SVIL: variants seen among roughly 807,000 people sequenced by gnomAD.
SVIL encodes the protein supervillin, also known as archvillin.
SVIL carries 101 observed loss-of-function variants against 240.4 expected under a neutral mutation model. That is an observed-to-expected ratio of 0.42 (90% CI 0.36 to 0.50). The LOEUF is 0.50. Among genes scored for constraint, SVIL ranks in the 20% least tolerant of loss-of-function variants. The pLI, the probability that SVIL is intolerant of heterozygous loss-of-function variation, is 0.01. For missense variants in SVIL, 2,512 were observed against 2,818.7 expected (o/e 0.89, Z 2.46); for synonymous variants, 999 against 1,100.0 (o/e 0.91, Z 1.82).
chr10:29,668,398 G>A (rs939029588), intron 2 of SVIL, among the ~76,000 whole-genome samples: 4 of 152,186 alleles, frequency 2.6e-5, no homozygotes, highest in African/African-American at 9.6e-5. Context: ...CTCAGCTACT[G>A]CAATCCAAAT....
chr10:29,705,231 T>G (rs1352862584), intron 1 of SVIL, among the ~76,000 whole-genome samples: 2 of 152,170 alleles, frequency 1.3e-5, no homozygotes, highest in African/African-American at 4.8e-5. Context: ...AATATTAACT[T>G]TATTCACGGA....
At chr10:29,675,580 C>T (rs571406549) in intron 2 of SVIL, among the ~76,000 whole-genome samples, 6 of 152,312 alleles carry the variant, frequency 3.9e-5, no homozygotes, top group African/African-American at 1.4e-4. Context: ...TCACAAAGCA[C>T]ACCTCTGCTC....
upstream of SVIL, among the ~76,000 whole-genome samples, chr10:29,638,023 T>C (rs184605902): frequency 3.0e-3 from 456 of 152,294 alleles, 1 homozygote; most frequent in African/African-American, 0.01. Flanking sequence ...TTCTATTGGA[T>C]TGACCACATC....
At position 29,554,783 on chromosome 10, in the gene SVIL, C is replaced by T. The variant is rs769354146; in HGVS notation, c.160G>A (p.Gly54Ser). 50 of 1,588,678 alleles carry T rather than the reference C, an allele frequency of 3.1e-5. No homozygotes were observed. The highest frequency in any genetic ancestry group is 3.8e-5 in the Non-Finnish European group (44 of 1,169,224). The change falls in exon 5 of 38, where the codon GGC (glycine) becomes AGC (serine). Residue 54 changes from glycine to serine, a missense_variant and splice_region_variant. This residue lies in a region of SVIL where 1,443 missense variants were observed against 1,486.6 expected (regional missense o/e 0.97). Coordinates refer to ENST00000355867, the MANE Select transcript of SVIL (RefSeq NM_021738.3). ...ATGGGCCACCCAGCTCCACGCTCAC[C>T]GATGTGGGGGCTGGCAGGGTCGCTG... ...RASDPASPHIGRSNEEEETSD... is the reference protein window; with the variant it reads ...RASDPASPHISRSNEEEETSD...
At chr10:29,463,431 C>T (rs1022190826) in intron 35 of SVIL, 61 bp downstream of exon 35, 11 of 1,557,910 alleles carry the variant, frequency 7.1e-6, no homozygotes, top group South Asian at 2.4e-5. Context: ...CTCCTGGCTG[C>T]GCATGCCTGA....
intron 36 of SVIL, among the ~76,000 whole-genome samples, chr10:29,460,669 G>A (rs559249789): frequency 3.3e-5 from 5 of 152,314 alleles, no homozygotes; most frequent in African/African-American, 1.2e-4. Flanking sequence ...AGCACTTTGA[G>A]AGGCTGAGGT....
Position 29,463,600 on chromosome 10 carries a change from G to A in SVIL, c.6169C>T (p.Leu2057Phe), listed in dbSNP as rs1179413501. 3 of 1,614,068 alleles carry A rather than the reference G, an allele frequency of 1.9e-6. No individual in the cohort carries two copies. The African/African-American group carries it at 4.0e-5, about 22-fold the overall frequency. ...TCGATGGGCCACCAGCCTTGCCAGA[G>A]GTACACCTCGTGGTGATTGTCAACA... Reference protein sequence around the residue: ...FLVDNHHEVYLWQGWWPIENK... With the variant: ...FLVDNHHEVYFWQGWWPIENK... Residue 2057 changes from leucine to phenylalanine, a missense_variant, in exon 35 of 38, where the codon CTC (leucine) becomes TTC (phenylalanine). Transcript: ENST00000355867.
At chr10:29,719,380 G>T (rs1489204489) in intron 1 of SVIL, among the ~76,000 whole-genome samples, 1 of 152,112 alleles carries the variant, frequency 6.6e-6, no homozygotes, top group South Asian at 2.1e-4. Context: ...TAAGACAAAA[G>T]AATCAACTGT....
At chr10:29,641,439 G>A (rs543161244) in intron 3 of SVIL, among the ~76,000 whole-genome samples, 24 of 151,936 alleles carry the variant, frequency 1.6e-4, no homozygotes, top group African/African-American at 4.1e-4. Context: ...ATGGTGGTGC[G>A]AGCCTGTAAT....
chr10:29,673,815 A>C (rs1959993051), intron 2 of SVIL, among the ~76,000 whole-genome samples: 1 of 152,198 alleles, frequency 6.6e-6, no homozygotes, highest in Non-Finnish European at 1.5e-5. Flanking sequence ...GCATTACAGC[A>C]GTCTTGCTAA....
At chr10:29,559,911 ACAATTTGGTCTG>A (rs779920261) in intron 3 of SVIL, among the ~76,000 whole-genome samples, 4 of 152,222 alleles carry the variant, frequency 2.6e-5, no homozygotes, top group Non-Finnish European at 5.9e-5. Context: ...AATATTCTAG[ACAATTTGGTCTG>A]CAGGGTGCTT....
chr10:29,674,612 G>A (rs372757728), intron 2 of SVIL, among the ~76,000 whole-genome samples: 1 of 152,154 alleles, frequency 6.6e-6, no homozygotes, highest in East Asian at 1.9e-4. Context: ...CCAGAGACAG[G>A]TCTCCATTTG....
intron 31 of SVIL, 28 bp from the exon 32 acceptor site, chr10:29,470,511 A>C (rs1945442582): frequency 6.2e-7 from 1 of 1,612,712 alleles, no homozygotes; most frequent in East Asian, 2.2e-5. Flanking sequence ...GGCGCGGAGG[A>C]GTTAGCACGT....
chr10:29,504,689 G>A (rs201349324), intron 17 of SVIL, among the ~76,000 whole-genome samples: 1 of 152,192 alleles, frequency 6.6e-6, no homozygotes, highest in Non-Finnish European at 1.5e-5. Context: ...TGCAAACACT[G>A]ACAACACCAA....
intron 1 of SVIL, among the ~76,000 whole-genome samples, chr10:29,708,889 A>C (rs1963089633): frequency 6.6e-6 from 1 of 152,128 alleles, no homozygotes; most frequent in Admixed American, 6.5e-5. Flanking sequence ...ACAACAAAAA[A>C]ATCAAACAAA....
chr10:29,542,529 A>T (rs568613363), intron 6 of SVIL, among the ~76,000 whole-genome samples: 143 of 151,694 alleles, frequency 9.4e-4, no homozygotes, highest in African/African-American at 1.6e-3. Flanking sequence ...TTTTTTTTTT[A>T]AATTTTTAAT....
In SVIL at chr10:29,467,785, GGC is replaced by G; in HGVS notation, c.5932_5933del (p.Ala1978LeufsTer20). On this transcript the variant is annotated frameshift_variant, in exon 33 of 38. Coordinates refer to ENST00000355867, the MANE Select transcript of SVIL (RefSeq NM_021738.3). LOFTEE classifies it high-confidence loss of function. ...AGGCTTTCCTGTCTCTCCTTCCTAA[GGC>G]ATCCCAGAATCCGAGTGGCTCGGAG... ...EGSEPLGFWD[A>X]LGRRDRKAYD... is the part of the protein sequence containing the mutation. 6.2e-7 allele frequency: 1 copy of G among 1,614,156 alleles called. No homozygotes were observed. The highest frequency in any genetic ancestry group is 8.5e-7 in the Non-Finnish European group (1 of 1,180,016).
chr10:29,720,977 G>T (rs184050502), intron 1 of SVIL, among the ~76,000 whole-genome samples: 1 of 152,148 alleles, frequency 6.6e-6, no homozygotes, highest in Non-Finnish European at 1.5e-5. Flanking sequence ...CTCCTGAGTA[G>T]CTGGGACTAC....
intron 1 of SVIL, among the ~76,000 whole-genome samples, chr10:29,592,909 G>A (rs1159435271): frequency 6.6e-6 from 1 of 152,080 alleles, no homozygotes; most frequent in Non-Finnish European, 1.5e-5. Flanking sequence ...GTGGAAATAG[G>A]TTGAATTTCA....
Sources: gnomAD v4.1 joint callset for allele counts (sites outside exome capture counted in the v4.1 genomes callset) on GRCh38, gnomAD v4.1.1 for gene constraint, gnomAD v4.1.1 regional missense constraint, MANE v1.5 for transcripts, NCBI Gene and HGNC (gene_info 2026-07-23, HGNC 2026-07-21) for gene names.